KIAA1671: variants seen among roughly 807,000 people sequenced by gnomAD.
The protein encoded by KIAA1671 is uncharacterized protein KIAA1671.
A neutral mutation model predicts 131.2 loss-of-function variants in KIAA1671; 52 were observed. The observed-to-expected ratio is 0.40, with a 90% confidence interval of 0.32 to 0.50. KIAA1671 has a LOEUF of 0.50. Ranked by LOEUF, KIAA1671 falls within the 20% of genes least tolerant of loss-of-function variation. The pLI, the probability that KIAA1671 is intolerant of heterozygous loss-of-function variation, is 0.73. For missense variants in KIAA1671, 2,360 were observed against 2,364.2 expected (o/e 1.00, Z 0.04); for synonymous variants, 1,003 against 961.6 (o/e 1.04, Z -0.80).
At chr22:25,143,058 G>A (rs1932828907) in intron 6 of KIAA1671, among the ~76,000 whole-genome samples, 1 of 152,180 alleles carries the variant, frequency 6.6e-6, no homozygotes, top group Admixed American at 6.5e-5. Context: ...ATGAGGGGCT[G>A]TGATCTTTTC....
At chr22:24,994,745 T>C (rs1296098620) in intron 1 of KIAA1671, among the ~76,000 whole-genome samples, 1 of 152,164 alleles carries the variant, frequency 6.6e-6, no homozygotes, top group South Asian at 2.1e-4. Context: ...GGCGACTCTT[T>C]AGGCATGTAA....
At chr22:24,957,709 C>A (rs1281635490) in intron 1 of KIAA1671, among the ~76,000 whole-genome samples, 1 of 86,554 alleles carries the variant, frequency 1.2e-5, no homozygotes, top group Non-Finnish European at 2.0e-5. Flanking sequence ...CGGAGTTTTG[C>A]TCTTATTGCC....
At chr22:25,091,709 A>C (rs184813624) in intron 6 of KIAA1671, among the ~76,000 whole-genome samples, 1 of 152,242 alleles carries the variant, frequency 6.6e-6, no homozygotes, top group African/African-American at 2.4e-5. Context: ...TTGGGCCTTC[A>C]ATTGCTGTAT....
At chr22:24,959,149 A>T (rs1921882214) in intron 1 of KIAA1671, among the ~76,000 whole-genome samples, 1 of 151,906 alleles carries the variant, frequency 6.6e-6, no homozygotes, top group Admixed American at 6.6e-5. Context: ...AGACAGAGTG[A>T]GTCCTTGTCT....
chr22:25,029,590 C>T, intron 3 of KIAA1671, 50 bp downstream of exon 3: 1 of 1,355,408 alleles, frequency 7.4e-7, no homozygotes, highest in Non-Finnish European at 9.9e-7. Context: ...CCCACACACC[C>T]TGAGGAAGAC....
chr22:25,125,268 CAT>C (rs1474114482), intron 6 of KIAA1671, among the ~76,000 whole-genome samples: 1 of 152,190 alleles, frequency 6.6e-6, no homozygotes, highest in Non-Finnish European at 1.5e-5. Flanking sequence ...TAAAGAGTAA[CAT>C]ATTTTAAGCA....
chr22:25,077,226 G>A (rs1366653614), intron 6 of KIAA1671, among the ~76,000 whole-genome samples: 1 of 152,220 alleles, frequency 6.6e-6, no homozygotes, highest in Admixed American at 6.5e-5. Context: ...TCTACTGGGT[G>A]TGTGGCTTTT....
At chr22:25,037,139 G>A (rs1423677539) in intron 4 of KIAA1671, among the ~76,000 whole-genome samples, 1 of 152,004 alleles carries the variant, frequency 6.6e-6, no homozygotes, top group Admixed American at 6.6e-5. Context: ...CCTGGCCAAC[G>A]TGGTGAAATG....
In KIAA1671 at chr22:25,028,310, A is replaced by AGGATCT; in HGVS notation, c.315_320dup (p.Leu106_Asp107dup). The AGGATCT allele has an allele frequency of 6.4e-7, 1 of 1,551,132 alleles. No individual in the cohort carries two copies. Among genetic ancestry groups the AGGATCT allele is most frequent in the Non-Finnish European group, 8.7e-7 (1 of 1,146,998 alleles). On this transcript the variant is annotated inframe_insertion, in exon 3 of 13. Transcript: ENST00000358431. ...GGGCTCTCTGAGGAGCCAGCAGCAAAGGATCTGGACAACAGGATGCCCGGC... is the reference window on the plus strand; with the variant it reads ...GGGCTCTCTGAGGAGCCAGCAGCAAAGGATCTGGATCTGGACAACAGGATGCCCGGC...
intron 6 of KIAA1671, among the ~76,000 whole-genome samples, chr22:25,126,378 G>A (rs2145936699): frequency 6.6e-6 from 1 of 152,326 alleles, no homozygotes; most frequent in African/African-American, 2.4e-5. Context: ...AAGGATGAGG[G>A]TTGGATGTGG....
intron 6 of KIAA1671, among the ~76,000 whole-genome samples, chr22:25,133,290 A>G (rs528220543): frequency 5.9e-5 from 9 of 152,292 alleles, no homozygotes; most frequent in African/African-American, 2.2e-4. Flanking sequence ...GTACACACCA[A>G]TGGTAAGATT....
chr22:25,104,758 T>C (rs1415593891), intron 6 of KIAA1671, among the ~76,000 whole-genome samples: 1 of 152,134 alleles, frequency 6.6e-6, no homozygotes, highest in Non-Finnish European at 1.5e-5. Flanking sequence ...TTTTTTTTCC[T>C]ATTTCTTTCT....
intron 6 of KIAA1671, chr22:25,060,070 G>C (rs910673079): frequency 2.0e-5 from 3 of 152,196 alleles, no homozygotes; most frequent in African/African-American, 7.2e-5. Flanking sequence ...TGGGGATTTC[G>C]TGACAAATGG....
chr22:25,075,060 T>G (rs1324585552), intron 6 of KIAA1671, among the ~76,000 whole-genome samples: 1 of 152,228 alleles, frequency 6.6e-6, no homozygotes, highest in African/African-American at 2.4e-5. Flanking sequence ...ACTATAACCA[T>G]GGTTCAGTTA....
intron 1 of KIAA1671, chr22:25,014,289 C>G (rs140518445): frequency 6.6e-5 from 10 of 152,182 alleles, no homozygotes; most frequent in African/African-American, 2.2e-4. Flanking sequence ...ACAATAACAA[C>G]AAAAAACAAA....
rs752406803 is a variant in KIAA1671 at position 25,170,908 on chromosome 22, C to T, written c.4619C>T (p.Thr1540Met). 30 of 1,551,508 alleles carry T rather than the reference C, an allele frequency of 1.9e-5. No homozygotes were observed. The highest frequency in any genetic ancestry group is 1.4e-4 in the African/African-American group (10 of 73,022). Residue 1540 changes from threonine to methionine, a missense_variant, in exon 7 of 13, where the codon ACG becomes ATG. Transcript: ENST00000358431. ...LVHEAGSQYGTWTEQCQSGES... is the reference protein window; with the variant it reads ...LVHEAGSQYGMWTEQCQSGES... ...CACGAAGCCGGCAGCCAGTATGGGA[C>T]GTGGACAGAGCAGTGCCAGAGTGGG...
chr22:24,953,060 A>G (rs1010776481), intron 1 of KIAA1671, among the ~76,000 whole-genome samples: 4 of 152,094 alleles, frequency 2.6e-5, no homozygotes, highest in Admixed American at 6.5e-5. Context: ...AGGGCAACCA[A>G]TGGATCACGT....
rs34171375 is a variant in KIAA1671 at position 24,974,685 on chromosome 22, C to CTTTTT, written c.-208+21933_-208+21937dup. Among the ~76,000 whole-genome samples the CTTTTT allele has an allele frequency of 4.3e-4, 35 of 81,260 alleles. 1 individual carries two copies. Among genetic ancestry groups the CTTTTT allele is most frequent in the Admixed American group, 4.7e-4 (3 of 6,402 alleles). 53.3% of individuals were successfully genotyped at this position (81,260 alleles called of 152,430 possible). Reference sequence around the variant, plus strand: ...AATTCACTTATCATCCAGCTCACCTCTTTTTTTTTTTTTTTTTTTTTTTTG... The same window carrying CTTTTT: ...AATTCACTTATCATCCAGCTCACCTCTTTTTTTTTTTTTTTTTTTTTTTTTTTTTG... On this transcript the variant is annotated intron_variant, in intron 1 of 12. Coordinates refer to ENST00000358431, the MANE Select transcript of KIAA1671 (RefSeq NM_001145206.2).
rs964135788 is a variant in KIAA1671, at chr22:25,039,404, G to A, written c.2274G>A (p.Thr758=). 52 of 1,551,670 alleles carry A rather than the reference G, an allele frequency of 3.4e-5. No homozygotes were observed. The highest frequency in any genetic ancestry group is 1.4e-4 in the African/African-American group (10 of 73,074). ...ISPAPEEKAV[T]LRSLRSWLSL... is the part of the protein sequence containing the mutation. ...CGGCACCGGAGGAGAAAGCGGTCAC[G>A]CTCCGCAGCCTCAGGTCTTGGCTCT... is the stretch of plus-strand genomic sequence containing the variant. Residue 758 remains threonine (T), a synonymous_variant, in exon 5 of 13, where the codon ACG becomes ACA. Coordinates refer to ENST00000358431, the MANE Select transcript of KIAA1671 (RefSeq NM_001145206.2).
Sources: allele counts gnomAD v4.1 joint callset (sites outside exome capture counted in the v4.1 genomes callset), GRCh38; gene constraint gnomAD v4.1.1; transcripts MANE v1.5; gene names NCBI Gene and HGNC (gene_info 2026-07-23, HGNC 2026-07-21).